Variants in POM121 observed in about 807,000 individuals in gnomAD.
POM121 encodes the protein POM121 transmembrane nucleoporin, also known as nuclear envelope pore membrane protein POM 121.
In POM121, 32 loss-of-function variants were observed where a neutral mutation model predicts 81.3. The ratio of observed to expected loss-of-function variants is 0.39; its 90% CI spans 0.30 to 0.53. The LOEUF is 0.53. POM121 is among the 20% of genes least tolerant of loss of function. POM121 has a pLI of 0.66. For synonymous variants in POM121, 514 were observed against 694.2 expected (o/e 0.74, Z 4.08); for missense variants, 1,138 against 1,614.6 (o/e 0.70, Z 5.06).
At chr7:72,890,711 G>A (rs544424747) in exon 2 of POM121, 28 of 1,601,794 alleles carry the variant, frequency 1.7e-5, no homozygotes, top group Non-Finnish European at 2.2e-5. Context: ...GATAACATAC[G>A]GGGATGTGAT....
At chr7:72,949,830 C>T, downstream of POM121, 4 of 1,395,858 alleles carry the variant, frequency 2.9e-6, no homozygotes, top group Non-Finnish European at 4.1e-6. Flanking sequence ...CCTCCTCCTC[C>T]TCCTGTGGCA....
intron 3 of POM121, among the ~76,000 whole-genome samples, chr7:72,907,421 A>G (rs1793354201): frequency 1.3e-5 from 2 of 151,818 alleles, no homozygotes; most frequent in Admixed American, 1.3e-4. Context: ...TCACCCAGAT[A>G]TTTACCGTCT....
intron 4 of POM121, among the ~76,000 whole-genome samples, chr7:72,915,933 G>C (rs1794256026): frequency 6.6e-6 from 1 of 152,232 alleles, no homozygotes; most frequent in Non-Finnish European, 1.5e-5. Flanking sequence ...GCCTCCCAAA[G>C]TGTTGGGATT....
chr7:72,908,554 A>G (rs1329956838), intron 3 of POM121, among the ~76,000 whole-genome samples: 1 of 152,206 alleles, frequency 6.6e-6, no homozygotes, highest in African/African-American at 2.4e-5. Context: ...CGGTTTGACC[A>G]AAATTTATTA....
chr7:72,894,435 G>T (rs1421393894), intron 3 of POM121, among the ~76,000 whole-genome samples: 6 of 151,872 alleles, frequency 4.0e-5, no homozygotes, highest in Admixed American at 3.3e-4. Flanking sequence ...AAAATTAGCT[G>T]GGCGTGGTGG....
chr7:72,889,870 C>A (rs1791128477), intron 1 of POM121, among the ~76,000 whole-genome samples: 1 of 151,890 alleles, frequency 6.6e-6, no homozygotes, highest in South Asian at 2.1e-4. Context: ...TACTTTTACA[C>A]CTCATCATAT....
chr7:72,898,634 T>TA (rs1792213607), intron 3 of POM121, among the ~76,000 whole-genome samples: 1 of 151,828 alleles, frequency 6.6e-6, no homozygotes, highest in African/African-American at 2.4e-5. Context: ...CTGTCTCTAC[T>TA]AAAAATACAA....
chr7:72,912,256 A>T (rs1274546337), intron 3 of POM121, among the ~76,000 whole-genome samples: 4 of 152,180 alleles, frequency 2.6e-5, no homozygotes, highest in Non-Finnish European at 5.9e-5. Context: ...CACGCACCAT[A>T]TCCTATGTGA....
chr7:72,929,278 T>C (rs1795783973), intron 4 of POM121, among the ~76,000 whole-genome samples: 1 of 152,188 alleles, frequency 6.6e-6, no homozygotes, highest in Non-Finnish European at 1.5e-5. Flanking sequence ...AATAACTTGC[T>C]CTGTTTGACT....
chr7:72,946,438 G>A lies in POM121; in HGVS notation c.*204G>A, dbSNP rs1797698363. Reference sequence around the variant, plus strand: ...CCTCAGGGAAGGGGAAGCAGGATGCGGAGGGCCAAAGCCCGGGACCTCTAC... The same window carrying A: ...CCTCAGGGAAGGGGAAGCAGGATGCAGAGGGCCAAAGCCCGGGACCTCTAC... On this transcript the variant is annotated 3_prime_UTR_variant, in exon 13 of 13. Transcript: ENST00000434423. 1.6e-5 allele frequency: 23 copies of A among 1,409,566 alleles called. No homozygotes were observed. The highest frequency in any genetic ancestry group is 2.7e-4 in the Middle Eastern group (1 of 3,748). The allele number at this position is 1,409,566 out of a possible 1,614,324, so 87.3% of individuals were successfully genotyped here.
chr7:72,894,915 A>G (rs1326297331), intron 3 of POM121, among the ~76,000 whole-genome samples: 1 of 151,958 alleles, frequency 6.6e-6, no homozygotes, highest in Non-Finnish European at 1.5e-5. Flanking sequence ...GCAGCTTTGA[A>G]CTCCTGGGCT....
At chr7:72,914,383 G>C (rs1443422743) in intron 4 of POM121, among the ~76,000 whole-genome samples, 1 of 115,550 alleles carries the variant, frequency 8.7e-6, no homozygotes, top group Non-Finnish European at 2.0e-5. Flanking sequence ...ACAGAATCCC[G>C]GATGATAATG....
chr7:72,933,499 T>A (rs446152), intron 5 of POM121, among the ~76,000 whole-genome samples: 1 of 152,270 alleles, frequency 6.6e-6, no homozygotes. Context: ...CCAAATCTCA[T>A]GTTCAAGAGT....
At chr7:72,938,982 C>T (rs1353251964) in intron 6 of POM121, among the ~76,000 whole-genome samples, 1 of 152,242 alleles carries the variant, frequency 6.6e-6, no homozygotes, top group Non-Finnish European at 1.5e-5. Context: ...CAGTCGCCTT[C>T]AGGTTCTTGA....
intron 5 of POM121, among the ~76,000 whole-genome samples, chr7:72,933,967 T>G (rs1554499013): frequency 6.6e-6 from 1 of 152,190 alleles, no homozygotes; most frequent in Non-Finnish European, 1.5e-5. Flanking sequence ...TAGTATCCTC[T>G]ATTATTCGGG....
chr7:72,892,041 C>T (rs1363182377), intron 3 of POM121, among the ~76,000 whole-genome samples: 1 of 152,204 alleles, frequency 6.6e-6, no homozygotes, highest in Non-Finnish European at 1.5e-5. Flanking sequence ...TTTCCCCTTC[C>T]CCATAACTGG....
At chr7:72,900,313 G>T (rs1214237340) in intron 3 of POM121, among the ~76,000 whole-genome samples, 1 of 150,608 alleles carries the variant, frequency 6.6e-6, no homozygotes, top group Non-Finnish European at 1.5e-5. Context: ...CAGGGTCTGT[G>T]CTAATAGCCT....
At chr7:72,914,573 C>T (rs1319796384) in intron 4 of POM121, among the ~76,000 whole-genome samples, 1 of 151,048 alleles carries the variant, frequency 6.6e-6, no homozygotes, top group Non-Finnish European at 1.5e-5. Flanking sequence ...AGGGTCTCGC[C>T]GTATTGCTGA....
At chr7:72,909,522 C>T (rs1734826374) in intron 3 of POM121, among the ~76,000 whole-genome samples, 1 of 152,192 alleles carries the variant, frequency 6.6e-6, no homozygotes, top group African/African-American at 2.4e-5. Context: ...GGCACTCAAC[C>T]TGTTTAGATT....
Sources: allele counts gnomAD v4.1 joint callset (sites outside exome capture counted in the v4.1 genomes callset), GRCh38; gene constraint gnomAD v4.1.1; transcripts MANE v1.5; gene names NCBI Gene and HGNC (gene_info 2026-07-23, HGNC 2026-07-21).